Variants in EXOC4 observed in about 807,000 individuals in gnomAD.
EXOC4 encodes the protein SEC8-like 1.
In EXOC4, 71 loss-of-function variants were observed where a neutral mutation model predicts 107.2. That is an observed-to-expected ratio of 0.66 (90% CI 0.55 to 0.81). The LOEUF (loss-of-function observed/expected upper bound fraction) is 0.81, where lower values mean the gene tolerates loss of function less well. EXOC4 is among the 30% of genes least tolerant of loss of function. The pLI is 0.00. For missense variants in EXOC4, 1,108 were observed against 1,189.6 expected (o/e 0.93, Z 1.01); for synonymous variants, 456 against 441.2 (o/e 1.03, Z -0.42).
intron 5 of EXOC4, among the ~76,000 whole-genome samples, chr7:133,337,116 C>T (rs1221450966): frequency 1.3e-5 from 2 of 152,088 alleles, no homozygotes; most frequent in African/African-American, 2.4e-5. Flanking sequence ...AAATAAATCT[C>T]TCTTGACTGT....
At chr7:133,477,830 A>G (rs1799055220) in intron 8 of EXOC4, among the ~76,000 whole-genome samples, 1 of 152,302 alleles carries the variant, frequency 6.6e-6, no homozygotes, top group African/African-American at 2.4e-5. Flanking sequence ...ACTCTTCAGC[A>G]AGTTCCTATT....
At chr7:133,284,258 G>T (rs867624980) in intron 2 of EXOC4, among the ~76,000 whole-genome samples, 59 of 152,304 alleles carry the variant, frequency 3.9e-4, no homozygotes, top group African/African-American at 1.3e-3. Flanking sequence ...CTGACACCCT[G>T]TAAGTTTGTC....
At chr7:133,897,790 A>G (rs1333510706) in intron 12 of EXOC4, among the ~76,000 whole-genome samples, 1 of 152,124 alleles carries the variant, frequency 6.6e-6, no homozygotes, top group Non-Finnish European at 1.5e-5. Flanking sequence ...TTATGAAATG[A>G]TTACATTCAA....
At chr7:133,790,810 A>G (rs747073499) in intron 10 of EXOC4, among the ~76,000 whole-genome samples, 2 of 152,252 alleles carry the variant, frequency 1.3e-5, no homozygotes, top group Non-Finnish European at 2.9e-5. Context: ...TGCTTGTCAA[A>G]TAAACAGAGA....
chr7:134,048,851 T>C (rs1585351258), intron 17 of EXOC4, among the ~76,000 whole-genome samples: 1 of 152,122 alleles, frequency 6.6e-6, no homozygotes, highest in Non-Finnish European at 1.5e-5. Context: ...TTCTAGAAGA[T>C]TGGCGTGGTC....
At chr7:133,254,066 C>T (rs1403429890) in intron 1 of EXOC4, 6 of 152,058 alleles carry the variant, frequency 3.9e-5, no homozygotes, top group African/African-American at 7.2e-5. Flanking sequence ...TATTTTTCCC[C>T]ACCTATACTA....
chr7:133,438,264 C>G (rs1798021616), intron 7 of EXOC4, among the ~76,000 whole-genome samples: 1 of 152,170 alleles, frequency 6.6e-6, no homozygotes, highest in Non-Finnish European at 1.5e-5. Flanking sequence ...TGGCCTCTTG[C>G]ACACTGATGG....
chr7:134,017,158 G>A (rs1794928011), intron 17 of EXOC4, among the ~76,000 whole-genome samples: 1 of 152,096 alleles, frequency 6.6e-6, no homozygotes, highest in South Asian at 2.1e-4. Flanking sequence ...AATTCTAGGG[G>A]CACCTATCCT....
At chr7:133,765,170 T>C (rs1217832512) in intron 10 of EXOC4, among the ~76,000 whole-genome samples, 1 of 152,058 alleles carries the variant, frequency 6.6e-6, no homozygotes. Context: ...AAAGTAAGCA[T>C]ACCTTTATTC....
intron 10 of EXOC4, among the ~76,000 whole-genome samples, chr7:133,720,695 G>A (rs201279239): frequency 6.6e-6 from 1 of 152,138 alleles, no homozygotes; most frequent in Non-Finnish European, 1.5e-5. Flanking sequence ...TGTTGATGAT[G>A]CTTAACGGCA....
At chr7:133,822,509 T>C (rs1437992244) in intron 11 of EXOC4, among the ~76,000 whole-genome samples, 1 of 152,230 alleles carries the variant, frequency 6.6e-6, no homozygotes, top group African/African-American at 2.4e-5. Flanking sequence ...CAATGGAATA[T>C]GCCATACCCT....
At chr7:133,358,354 T>A (rs1796069367) in intron 6 of EXOC4, among the ~76,000 whole-genome samples, 1 of 152,198 alleles carries the variant, frequency 6.6e-6, no homozygotes, top group African/African-American at 2.4e-5. Flanking sequence ...TGAGGTTATA[T>A]GGTTGTGGTG....
At chr7:133,485,310 C>T (rs753765487) in intron 9 of EXOC4, among the ~76,000 whole-genome samples, 2 of 151,768 alleles carry the variant, frequency 1.3e-5, no homozygotes, top group African/African-American at 2.4e-5. Context: ...ATTCATTTCA[C>T]TTGATCTTTC....
intron 11 of EXOC4, among the ~76,000 whole-genome samples, chr7:133,822,984 T>C (rs1438795608): frequency 4.6e-5 from 7 of 152,174 alleles, no homozygotes; most frequent in South Asian, 2.1e-4. Flanking sequence ...GTCTAGCACA[T>C]TGATTTTGCA....
intron 10 of EXOC4, chr7:133,768,113 A>G (rs1796174875): frequency 1.3e-5 from 2 of 151,980 alleles, no homozygotes; most frequent in Admixed American, 1.3e-4. Context: ...AACCTCTGCA[A>G]GACTATCAAG....
At chr7:133,795,831 AT>A (rs954128384) in intron 10 of EXOC4, among the ~76,000 whole-genome samples, 1 of 152,200 alleles carries the variant, frequency 6.6e-6, no homozygotes, top group African/African-American at 2.4e-5. Context: ...GGGGGTATTA[AT>A]TTCACCAACT....
In EXOC4 at chr7:133,513,145, CTGTA is replaced by C. The variant is rs35764023; in HGVS notation, c.1417+33011_1417+33014del. Among the ~76,000 whole-genome samples, 738 of 152,194 alleles carry C rather than the reference CTGTA, an allele frequency of 4.8e-3. 3 individuals are homozygous for C. The highest frequency in any genetic ancestry group is 0.01 in the Middle Eastern group (3 of 294). ...TAAATAAAGTATGTGAAACTTTTAA[CTGTA>C]TGTCTGGTATTTTTAAAAATTTTTA... On this transcript the variant is annotated intron_variant, in intron 9 of 17. Transcript: ENST00000253861.
chr7:133,863,445 G>T (rs1344214919), intron 11 of EXOC4, among the ~76,000 whole-genome samples: 1 of 152,138 alleles, frequency 6.6e-6, no homozygotes, highest in Non-Finnish European at 1.5e-5. Flanking sequence ...TCGAGACACA[G>T]TAACCATATA....
chr7:133,321,560 C>CT (rs778594453), intron 5 of EXOC4, among the ~76,000 whole-genome samples: 14 of 151,750 alleles, frequency 9.2e-5, no homozygotes, highest in Non-Finnish European at 1.5e-4. Context: ...TGAACTCATC[C>CT]TTTTTTATGG....
Sources: allele counts gnomAD v4.1 joint callset (sites outside exome capture counted in the v4.1 genomes callset), GRCh38; gene constraint gnomAD v4.1.1; transcripts MANE v1.5; gene names NCBI Gene and HGNC (gene_info 2026-07-23, HGNC 2026-07-21).